The following POLG2 variants were observed in gnomAD, a reference collection of about 807,000 sequenced individuals.
POLG2 encodes DNA polymerase subunit gamma-2.
Under a neutral mutation model 56.5 loss-of-function variants are expected in POLG2, and 50 were observed. The observed-to-expected ratio is 0.88, with a 90% confidence interval of 0.71 to 1.12. The LOEUF (loss-of-function observed/expected upper bound fraction) is 1.12. Among genes scored for constraint, POLG2 ranks in the 50% most tolerant of loss-of-function variants. The probability of loss-of-function intolerance (pLI) is 0.00; values close to 1 mark genes in which losing one functional copy is unlikely to be tolerated. For missense variants in POLG2, 584 were observed against 583.3 expected, an observed-to-expected ratio of 1.00 and a Z score of -0.01; for synonymous variants, 226 against 222.6, an observed-to-expected ratio of 1.02 and a Z score of -0.14.
intron 4 of POLG2, among the ~76,000 whole-genome samples, chr17:64,487,626 A>G (rs1555667728): frequency 6.9e-6 from 1 of 145,780 alleles, no homozygotes; most frequent in South Asian, 2.2e-4. Flanking sequence ...AAAAAAAAAA[A>G]AAAAAAAAAA....
Position 64,477,978 on chromosome 17 carries a change from T to C in POLG2, c.1303A>G (p.Met435Val). 6.2e-7 allele frequency: 1 copy of C among 1,613,824 alleles called. No individual in the cohort carries two copies. The highest frequency in any genetic ancestry group is 8.5e-7 in the Non-Finnish European group (1 of 1,179,850). The change falls in exon 8 of 8, where the codon ATG (methionine) becomes GTG (valine). Residue 435 changes from methionine to valine, a missense_variant. Physicochemically the swap from Met to Val is conservative, Grantham distance 21. Coordinates refer to ENST00000539111, the MANE Select transcript of POLG2 (RefSeq NM_007215.4). ...LEQLYSKYDE[M>V]SILFTVLVTE... is the part of the protein sequence containing the mutation. ...ACCAAAACTGTGAAGAGAATACTCATTTCATCATACCTAAGAAAAAAGTAG... is the reference window on the plus strand; with the variant it reads ...ACCAAAACTGTGAAGAGAATACTCACTTCATCATACCTAAGAAAAAAGTAG...
intron 4 of POLG2, among the ~76,000 whole-genome samples, chr17:64,486,649 C>T (rs565778812): frequency 1.3e-5 from 2 of 152,296 alleles, no homozygotes; most frequent in East Asian, 3.9e-4. Flanking sequence ...CAGGCGTGAG[C>T]CACTGCGCCC....
intron 3 of POLG2, chr17:64,491,653 G>GTT: frequency 7.1e-7 from 1 of 1,399,258 alleles, no homozygotes; most frequent in Non-Finnish European, 1.0e-6. Flanking sequence ...GGTTACTACT[G>GTT]GTACTACAAC....
At chr17:64,485,544 C>T in intron 5 of POLG2, 184 bp downstream of exon 5, 4 of 618,746 alleles carry the variant, frequency 6.5e-6, no homozygotes, top group Non-Finnish European at 1.1e-5. Flanking sequence ...ATGCCTTGTT[C>T]TATTCTGTGA....
intron 4 of POLG2, among the ~76,000 whole-genome samples, chr17:64,489,026 TTC>T: frequency 6.7e-6 from 1 of 149,236 alleles, no homozygotes; most frequent in Non-Finnish European, 1.5e-5. Context: ...TTTTTTCTTT[TTC>T]TTTTTTTTTT....
At chr17:64,492,198 A>G (rs1251367740) in intron 3 of POLG2, among the ~76,000 whole-genome samples, 1 of 152,188 alleles carries the variant, frequency 6.6e-6, no homozygotes, top group Non-Finnish European at 1.5e-5. Context: ...TACAGTTTAA[A>G]TGGGTATTTG....
At position 64,481,936 on chromosome 17, in the gene POLG2, CAT is replaced by C. The variant is rs372168461; in HGVS notation, c.1191+981_1191+982del. On this transcript the variant is annotated intron_variant, in intron 6 of 7. Transcript: ENST00000539111. ...GAAAGAAATAATTCACATTCACTAA[CAT>C]GTGTACAAATATTTTAATTACTATG... Among the ~76,000 whole-genome samples the C allele has an allele frequency of 2.7e-3, 400 of 148,064 alleles. 1 individual carries two copies. The highest frequency in any genetic ancestry group is 9.8e-3 in the African/African-American group (371 of 37,856).
At chr17:64,489,923 A>T (rs1264137644) in intron 4 of POLG2, among the ~76,000 whole-genome samples, 1 of 151,404 alleles carries the variant, frequency 6.6e-6, no homozygotes, top group Non-Finnish European at 1.5e-5. Flanking sequence ...TTACTAGTTA[A>T]TTTTTTTGTT....
intron 4 of POLG2, among the ~76,000 whole-genome samples, chr17:64,487,791 C>T (rs1461426705): frequency 6.6e-6 from 1 of 152,062 alleles, no homozygotes; most frequent in Non-Finnish European, 1.5e-5. Context: ...CACTTGAGCC[C>T]AGGAGTTTGA....
Position 64,482,081 on chromosome 17 carries a change from A to C in POLG2, c.1191+838T>G, listed in dbSNP as rs1428693962. Among the ~76,000 whole-genome samples the C allele has an allele frequency of 2.7e-5, 4 of 146,080 alleles. No homozygotes were observed. In the Admixed American group the frequency reaches 2.8e-4, roughly 10 times the overall value. On this transcript the variant is annotated intron_variant, in intron 6 of 7. Transcript: ENST00000539111. ...TAATCACAGTACTTACCCACAGTTC[A>C]TTATTTAATTAAAGCTTTTTTTTTT...
chr17:64,491,426 C>T (rs1200503013), intron 3 of POLG2: 1 of 751,890 alleles, frequency 1.3e-6, no homozygotes, highest in African/African-American at 1.8e-5. Flanking sequence ...AAGACTTCAT[C>T]TCTACAAATA....
At chr17:64,495,339 G>T (rs184498142) in intron 1 of POLG2, among the ~76,000 whole-genome samples, 1 of 152,128 alleles carries the variant, frequency 6.6e-6, no homozygotes, top group African/African-American at 2.4e-5. Flanking sequence ...CAGCACTTTG[G>T]GGGGCCAAGA....
intron 4 of POLG2, among the ~76,000 whole-genome samples, chr17:64,488,461 G>A (rs2037996459): frequency 6.6e-6 from 1 of 152,104 alleles, no homozygotes; most frequent in Admixed American, 6.6e-5. Flanking sequence ...TTAGCACTCA[G>A]AAAGGCAGAG....
At chr17:64,481,085 C>T (rs1389878662) in intron 6 of POLG2, among the ~76,000 whole-genome samples, 3 of 152,208 alleles carry the variant, frequency 2.0e-5, no homozygotes, top group African/African-American at 7.2e-5. Flanking sequence ...GCACTGCTGA[C>T]CCAGGGTGTT....
chr17:64,488,572 T>G (rs2037998643), intron 4 of POLG2, among the ~76,000 whole-genome samples: 1 of 152,008 alleles, frequency 6.6e-6, no homozygotes, highest in African/African-American at 2.4e-5. Flanking sequence ...AATAAGACAC[T>G]AATAGCCACA....
At chr17:64,486,392 GCT>G (rs2037955918) in intron 4 of POLG2, among the ~76,000 whole-genome samples, 2 of 147,402 alleles carry the variant, frequency 1.4e-5, no homozygotes. Flanking sequence ...ACAGAGTCTC[GCT>G]CTGTCACCCA....
Position 64,492,921 on chromosome 17 carries a change from A to G in POLG2, c.663T>C (p.Thr221=). ...IGVCFHPVFD[T]KQIRNGVKSI... The stretch of plus-strand genomic sequence containing the variant: ...TTTTAACACCATTTCGTATCTGCTT[A>G]GTGTCAAAAACAGGATGAAAACACA... Residue 221 remains threonine, a synonymous_variant, in exon 2 of 8, where the codon ACT becomes ACC. Transcript: ENST00000539111. The G allele has an allele frequency of 1.2e-6, 2 of 1,614,124 alleles. No homozygotes were observed. The highest frequency in any genetic ancestry group is 1.7e-6 in the Non-Finnish European group (2 of 1,179,940).
chr17:64,483,523 A>C (rs1396495186), intron 5 of POLG2, among the ~76,000 whole-genome samples: 2 of 151,286 alleles, frequency 1.3e-5, no homozygotes, highest in African/African-American at 4.9e-5. Flanking sequence ...CAAAAAAAAA[A>C]AAAAACAAAT....
intron 5 of POLG2, 28 bp downstream of exon 5, chr17:64,485,700 A>C: frequency 6.3e-7 from 1 of 1,585,312 alleles, no homozygotes; most frequent in Non-Finnish European, 8.7e-7. Context: ...TTAGTTTCCC[A>C]AGTCTATCTC....
Sources: allele counts gnomAD v4.1 joint callset (sites outside exome capture counted in the v4.1 genomes callset), GRCh38; gene constraint gnomAD v4.1.1; transcripts MANE v1.5; gene names NCBI Gene and HGNC (gene_info 2026-07-23, HGNC 2026-07-21).